Variants in MTCL1 observed in about 807,000 individuals in gnomAD.
MTCL1 encodes microtubule crosslinking factor 1.
A neutral mutation model predicts 141.4 loss-of-function variants in MTCL1; 79 were observed. The ratio of observed to expected loss-of-function variants is 0.56; its 90% CI spans 0.47 to 0.67. The LOEUF is 0.67. Among genes scored for constraint, MTCL1 ranks in the 30% least tolerant of loss-of-function variants. The pLI, the probability that MTCL1 is intolerant of heterozygous loss-of-function variation, is 0.00. For missense variants in MTCL1, 2,177 were observed against 2,113.9 expected, an observed-to-expected ratio of 1.03 and a Z score of -0.59; for synonymous variants, 914 against 875.8, an observed-to-expected ratio of 1.04 and a Z score of -0.77.
At chr18:8,713,920 G>C (rs1485268182), upstream of MTCL1, among the ~76,000 whole-genome samples, 1 of 152,154 alleles carries the variant, frequency 6.6e-6, no homozygotes, top group Non-Finnish European at 1.5e-5. Flanking sequence ...TCCAGGTTGG[G>C]TCACAGAGTG....
At chr18:8,805,042 T>A (rs1416377823) in intron 10 of MTCL1, among the ~76,000 whole-genome samples, 1 of 150,136 alleles carries the variant, frequency 6.7e-6, no homozygotes, top group African/African-American at 2.5e-5. Context: ...ACTATGGAGA[T>A]CTCTATAATA....
chr18:8,788,340 CG>C (rs1324098583), intron 7 of MTCL1, among the ~76,000 whole-genome samples: 1 of 151,902 alleles, frequency 6.6e-6, no homozygotes, highest in Non-Finnish European at 1.5e-5. Flanking sequence ...GCTCTCTGCC[CG>C]TAGCTCCTCA....
chr18:8,736,430 T>TA (rs1177394843), intron 4 of MTCL1, among the ~76,000 whole-genome samples: 1 of 152,160 alleles, frequency 6.6e-6, no homozygotes, highest in Admixed American at 6.5e-5. Context: ...TCAGAATACT[T>TA]ACATTAGCCT....
upstream of MTCL1, among the ~76,000 whole-genome samples, chr18:8,716,386 T>C (rs1000340487): frequency 4.6e-5 from 7 of 152,214 alleles, no homozygotes; most frequent in African/African-American, 1.7e-4. Context: ...GGGGGATGAG[T>C]TGCCATATCT....
intron 8 of MTCL1, among the ~76,000 whole-genome samples, chr18:8,794,085 T>C (rs1200448910): frequency 2.0e-5 from 3 of 152,240 alleles, no homozygotes; most frequent in Non-Finnish European, 4.4e-5. Flanking sequence ...TCTTTTTAAG[T>C]GTTTCATTTA....
At position 8,771,802 on chromosome 18, in the gene MTCL1, A is replaced by G. The variant is rs145872312; in HGVS notation, c.358-6031A>G. On this transcript the variant is annotated intron_variant, in intron 4 of 16. Transcript: ENST00000359865. The stretch of plus-strand genomic sequence containing the variant: ...TTTTTCTTTTCAGTAGGAATATGCA[A>G]TTGATTTGCTGGCAATTGATCAGGC... 1.4e-4 allele frequency among the ~76,000 whole-genome samples: 22 copies of G among 152,330 alleles called. 1 individual carries two copies. In the East Asian group the frequency reaches 2.7e-3, roughly 19 times the overall value.
chr18:8,734,849 T>C (rs1245191906), intron 4 of MTCL1, among the ~76,000 whole-genome samples: 1 of 152,190 alleles, frequency 6.6e-6, no homozygotes, highest in Admixed American at 6.5e-5. Context: ...CAGGCATCTG[T>C]GGTTTTTAGA....
At chr18:8,805,078 C>G (rs1032332996) in intron 10 of MTCL1, among the ~76,000 whole-genome samples, 8 of 143,924 alleles carry the variant, frequency 5.6e-5, no homozygotes, top group Non-Finnish European at 1.1e-4. Flanking sequence ...AAGAATTTCT[C>G]TTTTTAATAC....
intron 7 of MTCL1, chr18:8,789,761 C>G: frequency 2.1e-6 from 2 of 944,840 alleles, no homozygotes; most frequent in Non-Finnish European, 2.5e-6. Context: ...AGAATCAAAC[C>G]TTTGGGGATT....
chr18:8,706,946 A>G (rs961216522), intron 1 of MTCL1: 6 of 624,576 alleles, frequency 9.6e-6, no homozygotes, highest in African/African-American at 9.6e-5. Flanking sequence ...TCTCGCGTCT[A>G]GAACTCTTGC....
chr18:8,776,064 C>G (rs559890996), intron 4 of MTCL1, among the ~76,000 whole-genome samples: 1 of 152,162 alleles, frequency 6.6e-6, no homozygotes. Context: ...TTGCATAGAG[C>G]CTCCTTTGCA....
intron 4 of MTCL1, among the ~76,000 whole-genome samples, chr18:8,761,097 A>G (rs917695774): frequency 2.0e-5 from 3 of 152,180 alleles, no homozygotes; most frequent in African/African-American, 7.2e-5. Flanking sequence ...ATTTATAAAC[A>G]GTCTGGGTCC....
chr18:8,779,790 C>CT lies in MTCL1; in HGVS notation c.417+1904dup, dbSNP rs2096526722. Among the ~76,000 whole-genome samples the CT allele has an allele frequency of 6.6e-6, 1 of 152,158 alleles. No homozygotes were observed. Among genetic ancestry groups the CT allele is most frequent in the Non-Finnish European group, 1.5e-5 (1 of 68,020 alleles). ...TGACAGCATGCTGTCATGCTGACAG[C>CT]TTTTTTCTTTAAGGAACGAGAAGAC... On this transcript the variant is annotated intron_variant, in intron 5 of 16. Transcript: ENST00000359865. The surrounding 1 kb of genome is among the most constrained non-coding windows in gnomAD (Gnocchi z 4.1).
chr18:8,827,104 G>C (rs1568117554), intron 15 of MTCL1, among the ~76,000 whole-genome samples: 1 of 152,228 alleles, frequency 6.6e-6, no homozygotes, highest in Non-Finnish European at 1.5e-5. Flanking sequence ...GGATGAACAG[G>C]CTTCACACTG....
chr18:8,799,203 C>T (rs574385944), intron 10 of MTCL1, among the ~76,000 whole-genome samples: 8 of 152,342 alleles, frequency 5.3e-5, no homozygotes, highest in African/African-American at 1.7e-4. Context: ...CTGCTCCTCC[C>T]TGGCCCAGGC....
chr18:8,706,088 G>T, exon 1 of MTCL1: 1 of 1,203,658 alleles, frequency 8.3e-7, no homozygotes, highest in Non-Finnish European at 1.0e-6. Flanking sequence ...CCGCTGTCCC[G>T]GGCTGGGAAG....
chr18:8,786,148 C>T (rs2096554440), intron 7 of MTCL1, 57 bp downstream of exon 6: 2 of 1,297,344 alleles, frequency 1.5e-6, no homozygotes, highest in Admixed American at 2.6e-5. Context: ...TTCTGTGTGG[C>T]TGGCTGTGTG....
At chr18:8,786,481 C>G in intron 7 of MTCL1, 1 of 397,732 alleles carries the variant, frequency 2.5e-6, no homozygotes, top group Non-Finnish European at 5.0e-6. Flanking sequence ...TAGAGTTCCC[C>G]TTTTCAGCTC....
At chr18:8,720,306 A>G (rs1297947076) in intron 3 of MTCL1, 32 bp from the exon 3 acceptor site, 5 of 1,612,100 alleles carry the variant, frequency 3.1e-6, no homozygotes, top group Non-Finnish European at 4.2e-6. Context: ...AAAGCCTCAT[A>G]TCCTGATAAT....
Sources: allele counts gnomAD v4.1 joint callset (sites outside exome capture counted in the v4.1 genomes callset), GRCh38; gene constraint gnomAD v4.1.1; non-coding constraint Gnocchi (gnomAD v3.1); transcripts MANE v1.5; gene names NCBI Gene and HGNC (gene_info 2026-07-23, HGNC 2026-07-21).